Variants in SRPX observed in about 807,000 individuals in gnomAD.
SRPX encodes sushi repeat containing protein X-linked.
A neutral mutation model predicts 38.1 loss-of-function variants in SRPX; 24 were observed. The ratio of observed to expected loss-of-function variants is 0.63; its 90% CI spans 0.46 to 0.89. SRPX has a LOEUF of 0.89. SRPX is among the 40% of genes least tolerant of loss of function. SRPX has a pLI of 0.00. For synonymous variants in SRPX, 184 were observed against 153.8 expected (o/e 1.20, Z -1.45); for missense variants, 416 against 377.8 (o/e 1.10, Z -0.84).
intron 6 of SRPX, among the ~76,000 whole-genome samples, chrX:38,160,605 A>C (rs1371848135): frequency 8.9e-6 from 1 of 111,792 alleles, no homozygotes; most frequent in East Asian, 2.8e-4. Flanking sequence ...CTGGTTGTAG[A>C]TGGACTCACA....
intron 1 of SRPX, among the ~76,000 whole-genome samples, chrX:38,205,438 C>A (rs1939190762): frequency 1.8e-5 from 2 of 111,073 alleles, no homozygotes; most frequent in African/African-American, 6.5e-5. Flanking sequence ...TTATATATTT[C>A]TTTTTACTCT....
chrX:38,191,673 AT>A (rs1470964193), intron 1 of SRPX, among the ~76,000 whole-genome samples: 12 of 111,460 alleles, frequency 1.1e-4, no homozygotes, highest in African/African-American at 3.9e-4. Flanking sequence ...AATTGGTATC[AT>A]TTTTCTTTTT....
In SRPX at chrX:38,167,252, T is replaced by A. The variant is rs370526472; in HGVS notation, c.527-2357A>T. Among the ~76,000 whole-genome samples the A allele has an allele frequency of 5.3e-5, 6 of 112,168 alleles. No homozygotes were observed. The East Asian group carries it at 8.4e-4, about 16-fold the overall frequency. On this transcript the variant is annotated intron_variant, in intron 4 of 9. Transcript: ENST00000378533. ...ATTACATATTTTAAAGCTATTTTAATAAACCAAACCCTTTTGTGTATCTGC... is the reference window on the plus strand; with the variant it reads ...ATTACATATTTTAAAGCTATTTTAAAAAACCAAACCCTTTTGTGTATCTGC...
At chrX:38,215,678 C>A (rs1044686928) in intron 1 of SRPX, among the ~76,000 whole-genome samples, 1 of 112,147 alleles carries the variant, frequency 8.9e-6, no homozygotes, top group African/African-American at 3.2e-5. Context: ...AAATGGAATA[C>A]TTTGATTCAC....
At chrX:38,181,021 G>A (rs1340474475) in intron 1 of SRPX, among the ~76,000 whole-genome samples, 4 of 112,370 alleles carry the variant, frequency 3.6e-5, no homozygotes, top group African/African-American at 1.3e-4. Flanking sequence ...TTTTTATAAA[G>A]TTCAAAAACT....
rs762717120 is a variant in SRPX, at chrX:38,161,031, G to T, written c.677C>A (p.Pro226Gln). 18 of 1,207,137 alleles carry T rather than the reference G, an allele frequency of 1.5e-5. No homozygotes were observed. Among genetic ancestry groups the T allele is most frequent in the East Asian group, 1.2e-4 (4 of 33,722 alleles). The part of the protein sequence containing the change: ...LTDVILKGLP[P>Q]GSNFPEGDHK... ...GTCTCCTTCTGGAAAGTTGGAGCCT[G>T]GGGGGAGGCCTTTTAGAATGACACT... Residue 226 changes from proline to glutamine, a missense_variant, in exon 6 of 10, where the codon CCA becomes CAA. Transcript: ENST00000378533.
chrX:38,215,153 T>C (rs1031702895), intron 1 of SRPX, among the ~76,000 whole-genome samples: 1 of 112,129 alleles, frequency 8.9e-6, no homozygotes, highest in Non-Finnish European at 1.9e-5. Context: ...GAAGAAAGTT[T>C]GAAAATCATT....
At chrX:38,159,842 G>A (rs761394678) in intron 7 of SRPX, among the ~76,000 whole-genome samples, 175 bp downstream of exon 7, 1 of 112,430 alleles carries the variant, frequency 8.9e-6, no homozygotes, top group South Asian at 3.7e-4. Context: ...GGGGCAAGAT[G>A]GATGGCAGAT....
In SRPX at chrX:38,154,506, C is replaced by T. The variant is rs1298800175; in HGVS notation, c.1167G>A (p.Arg389=). The T allele has an allele frequency of 8.3e-7, 1 of 1,205,217 alleles. No individual in the cohort carries two copies. The highest frequency in any genetic ancestry group is 1.1e-6 in the Non-Finnish European group (1 of 892,895). The change falls in exon 9 of 10, where the codon AGG becomes AGA. Residue 389 remains arginine (R), a synonymous_variant. Transcript: ENST00000378533. ...CTGGAGGCATAATCTTTGCTCCTAT[C>T]CTGCCAATGAGAGTCGGGAACACAC... is the stretch of plus-strand genomic sequence containing the variant. The part of the protein sequence containing the change: ...LVGVFPTLIG[R]IGAKIMPPAL...
At chrX:38,180,379 A>C (rs763560406) in intron 1 of SRPX, among the ~76,000 whole-genome samples, 1 of 111,700 alleles carries the variant, frequency 9.0e-6, no homozygotes, top group African/African-American at 3.3e-5. Context: ...TTTGGACATA[A>C]GTATTTCCCA....
At chrX:38,161,797 G>GT (rs1435433891) in intron 5 of SRPX, among the ~76,000 whole-genome samples, 12 of 111,881 alleles carry the variant, frequency 1.1e-4, no homozygotes, top group African/African-American at 3.9e-4. Flanking sequence ...GCTAGGGTGA[G>GT]TTTATCTTTT....
chrX:38,157,392 T>C (rs1938153883), intron 7 of SRPX, among the ~76,000 whole-genome samples: 1 of 111,228 alleles, frequency 9.0e-6, no homozygotes, highest in Admixed American at 9.5e-5. Context: ...TTTCTTGTCT[T>C]TTTCAGCATC....
Position 38,154,589 on chromosome X carries a change from A to G in SRPX, c.1090-6T>C, listed in dbSNP as rs1210661041. ...TCAAGGCCACACTGTGCTTGCTGGG[A>G]AAAAGAAAACCCAACAGGGGAAGTA... On this transcript the variant is annotated splice_region_variant and splice_polypyrimidine_tract_variant and intron_variant, in intron 8 of 9. Coordinates refer to ENST00000378533, the MANE Select transcript of SRPX (RefSeq NM_006307.5). 18 of 1,204,862 alleles carry G rather than the reference A, an allele frequency of 1.5e-5. No individual in the cohort carries two copies. Among genetic ancestry groups the G allele is most frequent in the African/African-American group, 1.4e-4 (8 of 57,048 alleles).
At chrX:38,219,562 C>T (rs941044205) in intron 1 of SRPX, among the ~76,000 whole-genome samples, 1 of 107,169 alleles carries the variant, frequency 9.3e-6, no homozygotes, top group East Asian at 3.0e-4. Flanking sequence ...CACAAATGTT[C>T]CTGTTTATTA....
At chrX:38,162,451 T>A (rs1194372665) in intron 5 of SRPX, among the ~76,000 whole-genome samples, 2 of 112,350 alleles carry the variant, frequency 1.8e-5, no homozygotes, top group African/African-American at 6.5e-5. Context: ...GCCTCTGGGT[T>A]GTAGAACTCT....
intron 5 of SRPX, 131 bp downstream of exon 5, chrX:38,164,638 T>C: frequency 6.5e-6 from 4 of 619,094 alleles, no homozygotes; most frequent in South Asian, 3.3e-5. Flanking sequence ...ATATATAGTA[T>C]GTTAGGTAGT....
chrX:38,179,483 T>A (rs770009949), intron 1 of SRPX, among the ~76,000 whole-genome samples: 7 of 112,292 alleles, frequency 6.2e-5, no homozygotes, highest in Non-Finnish European at 9.4e-5. Context: ...GTCTAATTAA[T>A]GACTCGAGTT....
intron 1 of SRPX, among the ~76,000 whole-genome samples, chrX:38,188,448 TG>T (rs1451065461): frequency 8.9e-6 from 1 of 112,111 alleles, no homozygotes; most frequent in Non-Finnish European, 1.9e-5. Context: ...CTAGTATTTT[TG>T]TAGTGAAATA....
chrX:38,189,520 A>G (rs749574490), intron 1 of SRPX, among the ~76,000 whole-genome samples: 1 of 111,744 alleles, frequency 8.9e-6, no homozygotes, highest in African/African-American at 3.3e-5. Context: ...GAATGAAGTG[A>G]TTATCAGTTA....
Sources: gnomAD v4.1 joint callset for allele counts (sites outside exome capture counted in the v4.1 genomes callset) on GRCh38, gnomAD v4.1.1 for gene constraint, MANE v1.5 for transcripts, NCBI Gene and HGNC (gene_info 2026-07-23, HGNC 2026-07-21) for gene names.